C2CD5: variants seen among roughly 807,000 people sequenced by gnomAD.
C2CD5 encodes C2 calcium dependent domain containing 5, also known as C2 domain-containing protein 5.
Under a neutral mutation model 130.3 loss-of-function variants are expected in C2CD5, and 109 were observed. The ratio of observed to expected loss-of-function variants is 0.84; its 90% confidence interval spans 0.72 to 0.98. C2CD5 has a LOEUF of 0.98. Among genes scored for constraint, C2CD5 ranks in the 50% least tolerant of loss-of-function variants. The pLI is 0.00. For synonymous variants in C2CD5, 454 were observed against 429.2 expected (o/e 1.06, Z -0.71); for missense variants, 996 against 1,261.8 (o/e 0.79, Z 3.19).
chr12:22,467,354 A>C (rs1942255257), intron 22 of C2CD5, among the ~76,000 whole-genome samples: 1 of 151,924 alleles, frequency 6.6e-6, no homozygotes, highest in East Asian at 1.9e-4. Flanking sequence ...TTTTTTGTAG[A>C]GAAGAGACTC....
intron 12 of C2CD5, among the ~76,000 whole-genome samples, chr12:22,485,762 A>G (rs1357715711): frequency 1.3e-5 from 2 of 152,120 alleles, no homozygotes; most frequent in Non-Finnish European, 2.9e-5. Context: ...AGCTCACACA[A>G]ATTTCAATAT....
chr12:22,515,632 C>T (rs1284659421), intron 8 of C2CD5, among the ~76,000 whole-genome samples: 2 of 151,950 alleles, frequency 1.3e-5, no homozygotes, highest in African/African-American at 4.8e-5. Context: ...ATTGAATATC[C>T]ATAAAAAATA....
chr12:22,461,795 G>A (rs1941215296), intron 22 of C2CD5, among the ~76,000 whole-genome samples: 1 of 152,102 alleles, frequency 6.6e-6, no homozygotes, highest in African/African-American at 2.4e-5. Flanking sequence ...AAATACGAAT[G>A]CATCTGAAAA....
rs754294232 is a variant in C2CD5 at position 22,525,628 on chromosome 12, C to T, written c.427G>A (p.Gly143Arg). Residue 143 changes from glycine to arginine, a missense_variant, in exon 5 of 27, where the codon GGA becomes AGA. Transcript: ENST00000446597. Reference sequence around the variant, plus strand: ...TACTTACTGCAAAAGAATTTGACTCCACATGATGACTGCCTAAATCGATTT... The same window carrying T: ...TACTTACTGCAAAAGAATTTGACTCTACATGATGACTGCCTAAATCGATTT... The part of the protein sequence containing the change: ...DLNRFRQSSC[G>R]VKFFCTTSIP... The T allele has an allele frequency of 6.4e-7, 1 of 1,553,148 alleles. No individual in the cohort carries two copies. Among genetic ancestry groups the T allele is most frequent in the Admixed American group, 1.7e-5 (1 of 59,844 alleles).
intron 19 of C2CD5, among the ~76,000 whole-genome samples, chr12:22,471,720 T>C (rs1471952991): frequency 6.6e-6 from 1 of 152,016 alleles, no homozygotes; most frequent in Non-Finnish European, 1.5e-5. Flanking sequence ...TTTTTTTAAA[T>C]ATACACATAT....
At position 22,512,541 on chromosome 12, in the gene C2CD5, C is replaced by A. The variant is rs189991021; in HGVS notation, c.1038+753G>T. 3 of 801,600 alleles carry A rather than the reference C, an allele frequency of 3.7e-6. No individual in the cohort carries two copies. In the Admixed American group the frequency reaches 9.8e-5, roughly 26 times the overall value. The allele number at this position is 801,600 out of a possible 1,614,324, so 49.7% of individuals were successfully genotyped here. A position where few individuals can be genotyped will look rare whatever the true frequency, so the allele number is the denominator to read the frequency against. The stretch of plus-strand genomic sequence containing the variant: ...AAACTTTGCATTACGAAAAGAAAAA[C>A]GCTGTCAACATTTGCTAAGATTAAA... On this transcript the variant is annotated intron_variant, in intron 9 of 26. Transcript: ENST00000446597.
At chr12:22,538,541 T>C (rs974760683) in intron 2 of C2CD5, among the ~76,000 whole-genome samples, 1 of 152,158 alleles carries the variant, frequency 6.6e-6, no homozygotes, top group Non-Finnish European at 1.5e-5. Context: ...ACGCTGAGGA[T>C]TGCAATGAGT....
chr12:22,522,250 A>G (rs1336825324), intron 7 of C2CD5, among the ~76,000 whole-genome samples: 2 of 152,142 alleles, frequency 1.3e-5, no homozygotes, highest in Non-Finnish European at 2.9e-5. Context: ...GAAGTACTAA[A>G]GGCATTTAGG....
intron 12 of C2CD5, among the ~76,000 whole-genome samples, chr12:22,486,212 A>T (rs995348954): frequency 6.6e-6 from 1 of 151,674 alleles, no homozygotes; most frequent in African/African-American, 2.4e-5. Context: ...AAACACTGCA[A>T]AGCACACTCT....
intron 26 of C2CD5, among the ~76,000 whole-genome samples, chr12:22,451,089 A>G (rs1336710569): frequency 6.6e-6 from 1 of 151,846 alleles, no homozygotes; most frequent in African/African-American, 2.4e-5. Context: ...AGAAGTTACC[A>G]TAAAAAAAAA....
At chr12:22,542,386 A>G (rs1482959365) in intron 2 of C2CD5, among the ~76,000 whole-genome samples, 1 of 152,242 alleles carries the variant, frequency 6.6e-6, no homozygotes, top group Non-Finnish European at 1.5e-5. Context: ...GTCGCTCCTT[A>G]TAAATATTAC....
In C2CD5 at chr12:22,457,167, A is replaced by C; in HGVS notation, c.2687-6T>G. 6.3e-7 allele frequency: 1 copy of C among 1,589,558 alleles called. No individual in the cohort carries two copies. Among genetic ancestry groups the C allele is most frequent in the Middle Eastern group, 1.7e-4 (1 of 5,964 alleles). On this transcript the variant is annotated splice_polypyrimidine_tract_variant and splice_region_variant and intron_variant, in intron 24 of 26. Transcript: ENST00000446597. The stretch of plus-strand genomic sequence containing the variant: ...TGCTTTTTCAACTGTCATGGCTAAA[A>C]TTGGAGAAAAATGAGAAAACATTCA...
At chr12:22,519,152 C>T (rs1230837674) in intron 7 of C2CD5, 2 of 1,535,846 alleles carry the variant, frequency 1.3e-6, no homozygotes, top group African/African-American at 2.7e-5. Flanking sequence ...CAGAGAAGTT[C>T]TGAGTAAGTC....
At position 22,544,494 on chromosome 12, in the gene C2CD5, C is replaced by T. The variant is rs1013548302; in HGVS notation, c.-204G>A. The T allele has an allele frequency of 5.2e-6, 1 of 193,434 alleles. No individual in the cohort carries two copies. The highest frequency in any genetic ancestry group is 1.1e-5 in the Non-Finnish European group (1 of 95,222). 12.0% of individuals were successfully genotyped at this position (193,434 alleles called of 1,614,324 possible). A position where few individuals can be genotyped will look rare whatever the true frequency, so the allele number is the denominator to read the frequency against. On this transcript the variant is annotated 5_prime_UTR_variant, in exon 1 of 27. Transcript: ENST00000446597. The stretch of plus-strand genomic sequence containing the variant: ...TGCCGCCCCTGCTTGTCTCTCCTCC[C>T]CCGCTCTCAAAAATGGCGGCTCTCG...
intron 9 of C2CD5, among the ~76,000 whole-genome samples, chr12:22,510,764 A>G (rs1189098259): frequency 1.3e-5 from 2 of 152,228 alleles, no homozygotes; most frequent in Admixed American, 6.5e-5. Context: ...AACTAAGTTC[A>G]CTAGGTTTCT....
chr12:22,522,821 T>C (rs1445273495), intron 7 of C2CD5, among the ~76,000 whole-genome samples: 1 of 152,170 alleles, frequency 6.6e-6, no homozygotes, highest in African/African-American at 2.4e-5. Context: ...GAAAATAAAA[T>C]GCCACACAAT....
rs541045163 is a variant in C2CD5 at position 22,471,170 on chromosome 12, T to G, written c.2358+229A>C. On this transcript the variant is annotated intron_variant, in intron 20 of 26. Transcript: ENST00000446597. ...AACTGGTGAAATCCCACATGATGGG[T>G]ACAGATCCTACTGTATACATGCTGA... 3.3e-5 allele frequency among the ~76,000 whole-genome samples: 5 copies of G among 152,166 alleles called. No individual in the cohort carries two copies. In the East Asian group the frequency reaches 9.6e-4, roughly 29 times the overall value.
In C2CD5 at chr12:22,514,614, T is replaced by A. The variant is rs183825918; in HGVS notation, c.953-1235A>T. On this transcript the variant is annotated intron_variant, in intron 8 of 26. Transcript: ENST00000446597. Reference sequence around the variant, plus strand: ...CAAACAGAATAATTTACTAATGTAATCATATGGTTTAGCAACATGATGACA... The same window carrying A: ...CAAACAGAATAATTTACTAATGTAAACATATGGTTTAGCAACATGATGACA... Among the ~76,000 whole-genome samples, 44 of 152,204 alleles carry A rather than the reference T, an allele frequency of 2.9e-4. 2 individuals are homozygous for A. The highest frequency in any genetic ancestry group is 1.0e-3 in the African/African-American group (43 of 41,564).
intron 10 of C2CD5, among the ~76,000 whole-genome samples, chr12:22,496,109 A>C (rs1466986822): frequency 2.0e-5 from 3 of 152,260 alleles, no homozygotes; most frequent in Non-Finnish European, 2.9e-5. Context: ...AACAAAATTA[A>C]GATTAATTTG....
Sources: gnomAD v4.1 joint callset for allele counts (sites outside exome capture counted in the v4.1 genomes callset) on GRCh38, gnomAD v4.1.1 for gene constraint, MANE v1.5 for transcripts, NCBI Gene and HGNC (gene_info 2026-07-23, HGNC 2026-07-21) for gene names.